Variants in RYR3 observed in about 807,000 individuals in gnomAD.
RYR3 encodes ryanodine receptor 3, also known as brain ryanodine receptor-calcium release channel.
RYR3 carries 207 observed loss-of-function variants against 584.3 expected under a neutral mutation model. The observed-to-expected ratio is 0.35, with a 90% confidence interval of 0.32 to 0.40. The LOEUF (loss-of-function observed/expected upper bound fraction) is 0.40. Among genes scored for constraint, RYR3 ranks in the 10% least tolerant of loss-of-function variants. The probability of loss-of-function intolerance (pLI) is 1.00; values close to 1 mark genes in which losing one functional copy is unlikely to be tolerated. For synonymous variants in RYR3, 2,416 were observed against 2,248.5 expected (o/e 1.07, Z -2.11); for missense variants, 5,616 against 6,089.2 (o/e 0.92, Z 2.59).
chr15:33,815,556 G>A (rs2076771635), intron 74 of RYR3: 1 of 260,260 alleles, frequency 3.8e-6, no homozygotes, highest in Non-Finnish European at 7.2e-6. Flanking sequence ...ATGGGTAAGA[G>A]TAAGTCTAGG....
At chr15:33,511,373 A>G (rs2052988868) in intron 3 of RYR3, among the ~76,000 whole-genome samples, 1 of 150,576 alleles carries the variant, frequency 6.6e-6, no homozygotes, top group African/African-American at 2.4e-5. Context: ...GCATCAGTAG[A>G]CTCCTCAAAT....
intron 1 of RYR3, among the ~76,000 whole-genome samples, chr15:33,322,796 C>G (rs1400648460): frequency 2.0e-5 from 3 of 151,892 alleles, no homozygotes; most frequent in Non-Finnish European, 4.4e-5. Flanking sequence ...GGAACCACAT[C>G]ATTTTCAGGT....
In RYR3 at chr15:33,763,892, CAAAA is replaced by C. The variant is rs796878162; in HGVS notation, c.8706-4745_8706-4742del. ...TGAGTGACAGAGCGAGACTTCATCT[CAAAA>C]AAAAAAAAAAAAAAAAAAAATCAGG... On this transcript the variant is annotated intron_variant, in intron 60 of 103. Transcript: ENST00000634891. Among the ~76,000 whole-genome samples, 231 of 45,862 alleles carry C rather than the reference CAAAA, an allele frequency of 5.0e-3. 1 individual carries two copies. Among genetic ancestry groups the C allele is most frequent in the African/African-American group, 0.02 (220 of 11,094 alleles). The allele number at this position is 45,862 out of a possible 152,430, so 30.1% of individuals were successfully genotyped here.
At chr15:33,370,649 A>C (rs2040266386) in intron 1 of RYR3, among the ~76,000 whole-genome samples, 1 of 152,214 alleles carries the variant, frequency 6.6e-6, no homozygotes, top group Non-Finnish European at 1.5e-5. Context: ...GAAGATTGTC[A>C]TGCCAAGATG....
chr15:33,686,475 ACAG>A (rs1490758867), intron 38 of RYR3, among the ~76,000 whole-genome samples: 2 of 152,214 alleles, frequency 1.3e-5, no homozygotes, highest in African/African-American at 4.8e-5. Context: ...AGACGAATTC[ACAG>A]CCGAATTCTA....
chr15:33,821,471 A>G, intron 79 of RYR3, 52 bp from the exon 80 acceptor site: 2 of 1,606,650 alleles, frequency 1.2e-6, no homozygotes, highest in Non-Finnish European at 1.7e-6. Flanking sequence ...CCCAGGAGGC[A>G]TGATTTACCA....
intron 1 of RYR3, among the ~76,000 whole-genome samples, chr15:33,406,331 G>A (rs912763449): frequency 6.6e-6 from 1 of 152,154 alleles, no homozygotes; most frequent in Admixed American, 6.5e-5. Context: ...TAGCTCCCTT[G>A]GACCAAATGT....
intron 103 of RYR3, 24 bp from the exon 104 acceptor site, chr15:33,865,107 C>T (rs749898265): frequency 1.3e-6 from 2 of 1,561,156 alleles, no homozygotes; most frequent in Admixed American, 1.7e-5. Context: ...TAAAAATAAG[C>T]ACCCGTTGTT....
intron 38 of RYR3, among the ~76,000 whole-genome samples, chr15:33,671,805 C>CTTTTTTTTTTTTTT (rs56206846): frequency 5.0e-5 from 4 of 80,312 alleles, no homozygotes; most frequent in African/African-American, 1.1e-4. Flanking sequence ...CCTTCTTTTT[C>CTTTTTTTTTTTTTT]TTTTTTTTTT....
chr15:33,515,225 C>T (rs2053405742), intron 3 of RYR3, among the ~76,000 whole-genome samples: 1 of 152,232 alleles, frequency 6.6e-6, no homozygotes, highest in Non-Finnish European at 1.5e-5. Context: ...TCTGTAAAAC[C>T]TCACCTCCAC....
At chr15:33,316,204 G>A (rs1968147146) in intron 1 of RYR3, among the ~76,000 whole-genome samples, 1 of 152,048 alleles carries the variant, frequency 6.6e-6, no homozygotes, top group Non-Finnish European at 1.5e-5. Context: ...TTTAAATAAG[G>A]CATAGCTATC....
At chr15:33,489,594 T>C (rs1277407898) in intron 2 of RYR3, among the ~76,000 whole-genome samples, 5 of 85,008 alleles carry the variant, frequency 5.9e-5, no homozygotes, top group Admixed American at 4.3e-4. Flanking sequence ...ACATTTTCTT[T>C]ATCCAATCTG....
chr15:33,657,119 T>C (rs2062861326), intron 32 of RYR3, among the ~76,000 whole-genome samples: 1 of 152,174 alleles, frequency 6.6e-6, no homozygotes, highest in South Asian at 2.1e-4. Context: ...TTTTTTCTTG[T>C]TTTAGTGATC....
intron 97 of RYR3, 128 bp downstream of exon 97, chr15:33,854,577 C>G: frequency 6.7e-6 from 7 of 1,049,200 alleles, no homozygotes; most frequent in Non-Finnish European, 9.7e-6. Flanking sequence ...CTTATACGTG[C>G]TGGGGGAACA....
rs976146961 is a variant in RYR3, at chr15:33,670,491, A to G, written c.5795A>G (p.Tyr1932Cys). ...SWTGKLCALV[Y>C]KIKGPPKPEK... Reference sequence around the variant, plus strand: ...ACAGGAAAACTCTGTGCCTTGGTTTACAAAATCAAAGGCCCACCCAAGCCA... The same window carrying G: ...ACAGGAAAACTCTGTGCCTTGGTTTGCAAAATCAAAGGCCCACCCAAGCCA... Residue 1932 changes from tyrosine to cysteine, a missense_variant, in exon 38 of 104, where the codon TAC becomes TGC. Tyr to Cys is a radical substitution (Grantham distance 194, BLOSUM62 -2). Around this residue, in one of 9 missense-constraint regions of RYR3, gnomAD observed 1,280 missense variants for 1,426.2 expected, o/e 0.90. Transcript: ENST00000634891. 2.5e-6 allele frequency: 4 copies of G among 1,609,282 alleles called. No homozygotes were observed. Among genetic ancestry groups the G allele is most frequent in the Middle Eastern group, 1.7e-4 (1 of 6,046 alleles).
In RYR3 at chr15:33,853,608, G is replaced by C; in HGVS notation, c.13725G>C (p.Leu4575=). 6.2e-7 allele frequency: 1 copy of C among 1,613,958 alleles called. No individual in the cohort carries two copies. Among genetic ancestry groups the C allele is most frequent in the East Asian group, 2.2e-5 (1 of 44,876 alleles). Residue 4575 remains leucine (L), a synonymous_variant, in exon 96 of 104, where the codon CTG becomes CTC. Transcript: ENST00000634891. The part of the protein sequence containing the change: ...LYGAERIAEL[L]GLDKNALDFS... Reference sequence around the variant, plus strand: ...GAGCAGAACGCATTGCTGAACTTCTGGGTTTGGACAAAAATGCTCTTGACT... The same window carrying C: ...GAGCAGAACGCATTGCTGAACTTCTCGGTTTGGACAAAAATGCTCTTGACT...
chr15:33,562,776 A>G, intron 10 of RYR3, 61 bp from the exon 11 acceptor site: 1 of 1,273,474 alleles, frequency 7.9e-7, no homozygotes, highest in South Asian at 1.3e-5. Context: ...TTCGTTTTGT[A>G]TATTGAGCTT....
chr15:33,862,774 C>G (rs1209540709), intron 102 of RYR3, among the ~76,000 whole-genome samples: 1 of 152,072 alleles, frequency 6.6e-6, no homozygotes, highest in Non-Finnish European at 1.5e-5. Context: ...CCATCCTGGG[C>G]TAATTTTTGT....
intron 1 of RYR3, among the ~76,000 whole-genome samples, chr15:33,395,610 C>T (rs1247135881): frequency 6.6e-6 from 1 of 152,192 alleles, no homozygotes; most frequent in African/African-American, 2.4e-5. Context: ...CACAGGCAGG[C>T]ACTCTGCTAA....
Sources: allele counts gnomAD v4.1 joint callset (sites outside exome capture counted in the v4.1 genomes callset), GRCh38; gene constraint gnomAD v4.1.1; regional missense constraint gnomAD v4.1.1; transcripts MANE v1.5; gene names NCBI Gene and HGNC (gene_info 2026-07-23, HGNC 2026-07-21).